The following CFAP299 variants were observed in gnomAD, a reference collection of about 807,000 sequenced individuals.
CFAP299 encodes the protein cilia- and flagella-associated protein 299.
Under a neutral mutation model 27.0 loss-of-function variants are expected in CFAP299, and 21 were observed. The ratio of observed to expected loss-of-function variants is 0.78; its 90% CI spans 0.55 to 1.12. The LOEUF is 1.12. Among genes scored for constraint, CFAP299 ranks in the 50% most tolerant of loss-of-function variants. The pLI, the probability that CFAP299 is intolerant of heterozygous loss-of-function variation, is 0.00. For missense variants in CFAP299, 310 were observed against 276.6 expected (o/e 1.12, Z -0.86); for synonymous variants, 104 against 98.1 (o/e 1.06, Z -0.36).
rs1727068775 is a variant in CFAP299, at chr4:80,783,711, G to T, written c.334-86282G>T. Among the ~76,000 whole-genome samples the T allele has an allele frequency of 2.6e-5, 4 of 152,168 alleles. No individual in the cohort carries two copies. The South Asian group carries it at 8.3e-4, about 32-fold the overall frequency. Reference sequence around the variant, plus strand: ...AACAACATCACTGGGTTCTAAAATAGAACCCATTTTTTGTTTTTAGGAATC... The same window carrying T: ...AACAACATCACTGGGTTCTAAAATATAACCCATTTTTTGTTTTTAGGAATC... On this transcript the variant is annotated intron_variant, in intron 3 of 5. Coordinates refer to ENST00000358105, the MANE Select transcript of CFAP299 (RefSeq NM_152770.3).
chr4:80,958,039 T>A (rs1032252289), intron 5 of CFAP299, among the ~76,000 whole-genome samples: 1 of 152,190 alleles, frequency 6.6e-6, no homozygotes, highest in Non-Finnish European at 1.5e-5. Flanking sequence ...ATTGGACTTT[T>A]AAGGCCCTCT....
intron 2 of CFAP299, among the ~76,000 whole-genome samples, chr4:80,422,147 A>G (rs1467069075): frequency 6.6e-6 from 1 of 152,142 alleles, no homozygotes; most frequent in African/African-American, 2.4e-5. Context: ...ATCTTGTTTA[A>G]TGTCTGCAGA....
At chr4:80,437,822 C>T (rs892467884) in intron 2 of CFAP299, among the ~76,000 whole-genome samples, 1 of 152,182 alleles carries the variant, frequency 6.6e-6, no homozygotes, top group East Asian at 1.9e-4. Flanking sequence ...TTTTAATGGG[C>T]ACTTTTGTCT....
chr4:80,781,372 G>A (rs369498683), intron 3 of CFAP299, among the ~76,000 whole-genome samples: 1 of 152,024 alleles, frequency 6.6e-6, no homozygotes, highest in Non-Finnish European at 1.5e-5. Context: ...TAAGAGAGGT[G>A]TATGTGATAT....
intron 3 of CFAP299, among the ~76,000 whole-genome samples, chr4:80,763,104 A>G (rs1040589866): frequency 6.6e-6 from 1 of 152,028 alleles, no homozygotes; most frequent in Non-Finnish European, 1.5e-5. Flanking sequence ...ATCTGCCTTG[A>G]GCAACCAGGC....
At chr4:80,563,143 A>C (rs6857107) in intron 2 of CFAP299, among the ~76,000 whole-genome samples, 11,896 of 152,104 alleles carry the variant, frequency 0.078, 703 homozygotes, top group East Asian at 0.26. Context: ...GATCATCCAG[A>C]TAGAAAATCA....
intron 2 of CFAP299, among the ~76,000 whole-genome samples, chr4:80,542,738 A>G (rs923217082): frequency 6.6e-6 from 1 of 150,946 alleles, no homozygotes; most frequent in Non-Finnish European, 1.5e-5. Context: ...GGCCATTGCC[A>G]TAGTTTTTTT....
rs70944794 is a variant in CFAP299, at chr4:80,581,453, GATATATATATATATAT to G, written c.243-1619_243-1604del. The stretch of plus-strand genomic sequence containing the variant: ...TGATATATATATAGATATTAAGTGA[GATATATATATATATAT>G]ATATATATATATATATATATGACAA... On this transcript the variant is annotated intron_variant, in intron 2 of 5. Coordinates refer to ENST00000358105, the MANE Select transcript of CFAP299 (RefSeq NM_152770.3). 7.3e-3 allele frequency among the ~76,000 whole-genome samples: 751 copies of G among 103,016 alleles called. 19 individuals are homozygous for G. Among genetic ancestry groups the G allele is most frequent in the Middle Eastern group, 0.034 (6 of 178 alleles). The allele number at this position is 103,016 out of a possible 152,430, so 67.6% of individuals were successfully genotyped here.
intron 3 of CFAP299, among the ~76,000 whole-genome samples, chr4:80,817,327 A>G (rs1729471923): frequency 6.6e-6 from 1 of 152,010 alleles, no homozygotes; most frequent in South Asian, 2.1e-4. Flanking sequence ...CGATAAATAA[A>G]TACTATATTT....
chr4:80,791,595 A>C (rs1315063393), intron 3 of CFAP299, among the ~76,000 whole-genome samples: 1 of 152,086 alleles, frequency 6.6e-6, no homozygotes, highest in Non-Finnish European at 1.5e-5. Context: ...CTGAAATCTG[A>C]GAATGAGCAT....
At chr4:80,754,393 C>T (rs921714936) in intron 3 of CFAP299, among the ~76,000 whole-genome samples, 1 of 151,960 alleles carries the variant, frequency 6.6e-6, no homozygotes, top group Non-Finnish European at 1.5e-5. Flanking sequence ...TGCTATCTTG[C>T]TGTGGGTAGG....
chr4:80,392,767 A>C (rs1012765156), intron 2 of CFAP299, among the ~76,000 whole-genome samples: 1 of 149,584 alleles, frequency 6.7e-6, no homozygotes, highest in Non-Finnish European at 1.5e-5. Context: ...TATCTCAAAA[A>C]TGAAAAAAAA....
intron 3 of CFAP299, among the ~76,000 whole-genome samples, chr4:80,609,255 G>C (rs1351838744): frequency 6.6e-6 from 1 of 152,124 alleles, no homozygotes; most frequent in Admixed American, 6.5e-5. Context: ...AATTACACTA[G>C]CAAAACTTCC....
At chr4:80,446,317 A>T (rs1035335238) in intron 2 of CFAP299, among the ~76,000 whole-genome samples, 2 of 152,218 alleles carry the variant, frequency 1.3e-5, no homozygotes, top group Non-Finnish European at 2.9e-5. Context: ...TAGCCATTCA[A>T]TGCAGGAAGG....
chr4:80,891,307 T>C (rs564878716), intron 4 of CFAP299, among the ~76,000 whole-genome samples: 1 of 151,434 alleles, frequency 6.6e-6, no homozygotes, highest in Admixed American at 6.6e-5. Flanking sequence ...GCACCATTTA[T>C]TAAATAGGGA....
At chr4:80,597,404 T>G (rs1737109803) in intron 3 of CFAP299, among the ~76,000 whole-genome samples, 1 of 152,206 alleles carries the variant, frequency 6.6e-6, no homozygotes, top group South Asian at 2.1e-4. Flanking sequence ...ATTTTTCTAC[T>G]GTATCTTTTG....
intron 4 of CFAP299, chr4:80,872,583 CCATGAGAAATA>C (rs1733156866): frequency 6.6e-6 from 1 of 152,078 alleles, no homozygotes. Flanking sequence ...CATTTTGTAT[CCATGAGAAATA>C]CTGCATAAGT....
In CFAP299 at chr4:80,819,910, T is replaced by C. The variant is rs148349026; in HGVS notation, c.334-50083T>C. On this transcript the variant is annotated intron_variant, in intron 3 of 5. Transcript: ENST00000358105. ...ATTAGTTCTAAATGCCCAGCCAAAG[T>C]TCTTGAGAACCAGCTACATATTCTT... 3.5e-4 allele frequency among the ~76,000 whole-genome samples: 53 copies of C among 152,280 alleles called. No individual in the cohort carries two copies. In the East Asian group the frequency reaches 8.7e-3, roughly 25 times the overall value.
At chr4:80,710,873 C>G (rs329406) in intron 3 of CFAP299, among the ~76,000 whole-genome samples, 1 of 152,122 alleles carries the variant, frequency 6.6e-6, no homozygotes, top group Non-Finnish European at 1.5e-5. Flanking sequence ...AAACAAATCT[C>G]TAAGCCTTAA....
Sources: gnomAD v4.1 joint callset for allele counts (sites outside exome capture counted in the v4.1 genomes callset) on GRCh38, gnomAD v4.1.1 for gene constraint, MANE v1.5 for transcripts, NCBI Gene and HGNC (gene_info 2026-07-23, HGNC 2026-07-21) for gene names.